The following MAP2 variants were observed in gnomAD, a reference collection of about 807,000 sequenced individuals.
MAP2 encodes microtubule associated protein 2, also known as microtubule-associated protein 2.
A neutral mutation model predicts 137.6 loss-of-function variants in MAP2; 14 were observed. That is an observed-to-expected ratio of 0.10 (90% CI 0.07 to 0.16). The LOEUF (loss-of-function observed/expected upper bound fraction) is 0.16. Ranked by LOEUF, MAP2 falls within the 10% of genes least tolerant of loss-of-function variation. The pLI, the probability that MAP2 is intolerant of heterozygous loss-of-function variation, is 1.00. For missense variants in MAP2, 2,088 were observed against 2,191.5 expected (o/e 0.95, Z 0.94); for synonymous variants, 786 against 782.3 (o/e 1.00, Z -0.08).
chr2:209,479,444 A>G (rs1708193626), intron 1 of MAP2, among the ~76,000 whole-genome samples: 1 of 152,154 alleles, frequency 6.6e-6, no homozygotes. Context: ...GATAGGAACT[A>G]TGATAATAAA....
chr2:209,692,580 C>T (rs747835741), intron 7 of MAP2, 45 bp from the exon 8 acceptor site: 44 of 1,510,482 alleles, frequency 2.9e-5, no homozygotes, highest in Middle Eastern at 1.8e-4. Flanking sequence ...ATTTCCTGAA[C>T]GCACTTGCCT....
intron 1 of MAP2, among the ~76,000 whole-genome samples, chr2:209,444,092 A>T (rs980996643): frequency 6.6e-6 from 1 of 151,680 alleles, no homozygotes; most frequent in African/African-American, 2.4e-5. Flanking sequence ...TGTATGCTTG[A>T]AATCTATATT....
chr2:209,500,012 T>G (rs760992445), intron 1 of MAP2, among the ~76,000 whole-genome samples: 74 of 152,088 alleles, frequency 4.9e-4, no homozygotes, highest in Non-Finnish European at 7.8e-4. Context: ...AATACACATA[T>G]CCATGCAATA....
chr2:209,525,905 A>T (rs537595095), intron 2 of MAP2, among the ~76,000 whole-genome samples: 9 of 152,092 alleles, frequency 5.9e-5, no homozygotes, highest in African/African-American at 2.2e-4. Context: ...ATTTCCTGTC[A>T]TATTTCTTTT....
chr2:209,584,639 A>G (rs1460366946), intron 3 of MAP2, among the ~76,000 whole-genome samples: 1 of 152,126 alleles, frequency 6.6e-6, no homozygotes. Flanking sequence ...TCTGTGTGAG[A>G]TAAATCAGAA....
intron 5 of MAP2, among the ~76,000 whole-genome samples, chr2:209,667,975 CT>C (rs1375188479): frequency 6.6e-6 from 1 of 151,952 alleles, no homozygotes; most frequent in Non-Finnish European, 1.5e-5. Flanking sequence ...GCTTAATCTC[CT>C]TGCCCTATAT....
chr2:209,517,149 C>T (rs1278490333), intron 2 of MAP2, among the ~76,000 whole-genome samples: 1 of 152,120 alleles, frequency 6.6e-6, no homozygotes, highest in Non-Finnish European at 1.5e-5. Flanking sequence ...TCCGCCATAC[C>T]TGGAACTGCT....
rs565530814 is a variant in MAP2 at position 209,466,629 on chromosome 2, G to A, written c.-221-40963G>A. Among the ~76,000 whole-genome samples the A allele has an allele frequency of 3.3e-5, 5 of 152,232 alleles. No individual in the cohort carries two copies. The South Asian group carries it at 8.3e-4, about 25-fold the overall frequency. On this transcript the variant is annotated intron_variant, in intron 1 of 15. Transcript: ENST00000682079. The stretch of plus-strand genomic sequence containing the variant: ...GAACTTTGAATGGCAACTTAATTAA[G>A]AGGTAATGGAGCAAAGATTTAAGCT...
At chr2:209,483,889 TGGGA>T (rs1158223649) in intron 1 of MAP2, among the ~76,000 whole-genome samples, 23 of 152,132 alleles carry the variant, frequency 1.5e-4, no homozygotes, top group Admixed American at 1.0e-3. Flanking sequence ...GGGTGACAGC[TGGGA>T]GAAATTTTCT....
At chr2:209,637,603 T>A (rs2153567274) in intron 4 of MAP2, among the ~76,000 whole-genome samples, 1 of 152,250 alleles carries the variant, frequency 6.6e-6, no homozygotes, top group African/African-American at 2.4e-5. Flanking sequence ...GTGGCCCTTT[T>A]AAGGATGCTG....
intron 2 of MAP2, chr2:209,579,479 G>A (rs1451398785): frequency 1.3e-5 from 2 of 152,228 alleles, no homozygotes; most frequent in Non-Finnish European, 2.9e-5. Flanking sequence ...AATGATGGCG[G>A]AGCTGAGTGG....
chr2:209,669,336 A>G (rs1168212333), intron 5 of MAP2, among the ~76,000 whole-genome samples: 3 of 152,090 alleles, frequency 2.0e-5, no homozygotes, highest in African/African-American at 2.4e-5. Flanking sequence ...TTCCCATCAC[A>G]TGGTTCCTAA....
intron 2 of MAP2, among the ~76,000 whole-genome samples, chr2:209,542,480 A>G (rs2067232195): frequency 6.6e-6 from 1 of 152,242 alleles, no homozygotes; most frequent in African/African-American, 2.4e-5. Flanking sequence ...TGTCCTTTGA[A>G]GCTGTGAAGC....
intron 4 of MAP2, among the ~76,000 whole-genome samples, chr2:209,642,960 A>G (rs2094146350): frequency 6.6e-6 from 1 of 152,222 alleles, no homozygotes; most frequent in African/African-American, 2.4e-5. Flanking sequence ...AGTATAAAGC[A>G]TAATTGAGCC....
At chr2:209,570,014 A>T (rs2074127813) in intron 2 of MAP2, among the ~76,000 whole-genome samples, 1 of 151,838 alleles carries the variant, frequency 6.6e-6, no homozygotes, top group African/African-American at 2.4e-5. Context: ...AGTAATTAAA[A>T]TTAAGATGTT....
At chr2:209,607,348 G>C (rs531664721) in intron 3 of MAP2, among the ~76,000 whole-genome samples, 25 of 152,220 alleles carry the variant, frequency 1.6e-4, no homozygotes, top group Non-Finnish European at 5.9e-5. Context: ...TTGAGCCAAG[G>C]GTCAGTTCAT....
At chr2:209,687,793 C>T (rs538711654) in intron 7 of MAP2, among the ~76,000 whole-genome samples, 1 of 152,232 alleles carries the variant, frequency 6.6e-6, no homozygotes, top group East Asian at 1.9e-4. Context: ...CGGGGAGAGG[C>T]GTGGACTCCT....
At chr2:209,608,062 A>G (rs1165009837) in intron 3 of MAP2, among the ~76,000 whole-genome samples, 1 of 152,144 alleles carries the variant, frequency 6.6e-6, no homozygotes, top group African/African-American at 2.4e-5. Context: ...GTTGCCTTTT[A>G]CTTTTTATGT....
At chr2:209,685,435 GTGC>G (rs1218191210) in intron 7 of MAP2, among the ~76,000 whole-genome samples, 1 of 152,046 alleles carries the variant, frequency 6.6e-6, no homozygotes, top group Non-Finnish European at 1.5e-5. Flanking sequence ...TTAAAATCAA[GTGC>G]CCTGTTTGGC....
Sources: gnomAD v4.1 joint callset for allele counts (sites outside exome capture counted in the v4.1 genomes callset) on GRCh38, gnomAD v4.1.1 for gene constraint, MANE v1.5 for transcripts, NCBI Gene and HGNC (gene_info 2026-07-23, HGNC 2026-07-21) for gene names.